CDK12: variants seen among roughly 807,000 people sequenced by gnomAD.
CDK12 encodes cyclin-dependent kinase 12.
In CDK12, 17 loss-of-function variants were observed where a neutral mutation model predicts 133.8. The ratio of observed to expected loss-of-function variants is 0.13; its 90% confidence interval spans 0.09 to 0.19. CDK12 has a LOEUF of 0.19. Among genes scored for constraint, CDK12 ranks in the 10% least tolerant of loss-of-function variants. The probability of loss-of-function intolerance (pLI) is 1.00; values close to 1 mark genes in which losing one functional copy is unlikely to be tolerated. For missense variants in CDK12, 1,508 were observed against 1,818.7 expected (o/e 0.83, Z 3.11); for synonymous variants, 694 against 683.6 (o/e 1.02, Z -0.24).
chr17:39,472,206 A>G (rs1378070309), intron 2 of CDK12, among the ~76,000 whole-genome samples: 2 of 151,258 alleles, frequency 1.3e-5, no homozygotes, highest in Non-Finnish European at 1.5e-5. Context: ...CTGGTCTGGA[A>G]CTCCTGACCT....
chr17:39,465,166 A>C (rs1215303039), intron 1 of CDK12, among the ~76,000 whole-genome samples: 1 of 149,162 alleles, frequency 6.7e-6, no homozygotes, highest in East Asian at 2.1e-4. Flanking sequence ...GAATCAGTTG[A>C]GCCCGGGAGG....
chr17:39,537,022 G>C (rs564445735), downstream of CDK12, among the ~76,000 whole-genome samples: 16 of 152,174 alleles, frequency 1.1e-4, no homozygotes, highest in Admixed American at 9.2e-4. Flanking sequence ...AGGAATGAAG[G>C]GCATTTTATC....
At chr17:39,511,450 C>T (rs763021747) in intron 7 of CDK12, 79 bp from the exon 8 acceptor site, 1 of 906,116 alleles carries the variant, frequency 1.1e-6, no homozygotes, top group Non-Finnish European at 1.8e-6. Context: ...GCACCTATTT[C>T]TATTTGCATT....
intron 6 of CDK12, among the ~76,000 whole-genome samples, chr17:39,508,483 G>T (rs1057359833): frequency 2.0e-5 from 3 of 152,002 alleles, no homozygotes; most frequent in Admixed American, 6.6e-5. Flanking sequence ...TTTTAAAATA[G>T]ATTCCCAACA....
intron 2 of CDK12, among the ~76,000 whole-genome samples, chr17:39,472,934 G>C (rs1380795170): frequency 1.3e-5 from 2 of 152,020 alleles, no homozygotes; most frequent in Admixed American, 1.3e-4. Context: ...AAATTAGCTG[G>C]GCATGGTGGC....
At chr17:39,496,860 G>A (rs2052155983) in intron 5 of CDK12, among the ~76,000 whole-genome samples, 1 of 143,842 alleles carries the variant, frequency 7.0e-6, no homozygotes, top group Non-Finnish European at 1.5e-5. Context: ...AAGAAAATTA[G>A]TATGTCCAGT....
rs751699241 is a variant in CDK12 at position 39,499,208 on chromosome 17, C to CT, written c.2420-2026dup. 1.0e-3 allele frequency among the ~76,000 whole-genome samples: 13 copies of CT among 12,446 alleles called. 5 individuals carry two copies. Among genetic ancestry groups the CT allele is most frequent in the Admixed American group, 2.8e-3 (2 of 702 alleles). 8.2% of individuals were successfully genotyped at this position (12,446 alleles called of 152,430 possible). A position where few individuals can be genotyped will look rare whatever the true frequency, so the allele number is the denominator to read the frequency against. On this transcript the variant is annotated intron_variant, in intron 5 of 13. Coordinates refer to ENST00000447079, the MANE Select transcript of CDK12 (RefSeq NM_016507.4). The stretch of plus-strand genomic sequence containing the variant: ...CTTTCTTTCTTTCTTTCTTTCTTTC[C>CT]TTTTTTTTTTTTTTTTGAGACAGAG...
intron 6 of CDK12, among the ~76,000 whole-genome samples, chr17:39,504,096 G>A (rs915494758): frequency 1.3e-5 from 2 of 152,138 alleles, no homozygotes; most frequent in African/African-American, 4.8e-5. Context: ...ATGAATTAGA[G>A]AAAGTAAGAT....
At chr17:39,537,343 G>C (rs2055178913), downstream of CDK12, among the ~76,000 whole-genome samples, 1 of 152,100 alleles carries the variant, frequency 6.6e-6, no homozygotes, top group South Asian at 2.1e-4. Flanking sequence ...CCTAAAGAAA[G>C]CTTAGTAGCC....
chr17:39,530,609 C>T lies in CDK12; in HGVS notation c.3766C>T (p.Pro1256Ser). ...TMPQEEAAAC[P>S]PHILPPEKRP... ...AAGAAGTAACCCTTCCACAGCATGT[C>T]CTCCTCACATTCTTCCACCAGAGAA... The change falls in exon 14 of 14, where the codon CCT becomes TCT. Residue 1256 changes from proline to serine, a missense_variant. Physicochemically the swap from Pro to Ser is moderately conservative, Grantham distance 74. Transcript: ENST00000447079. 6.3e-7 allele frequency: 1 copy of T among 1,588,386 alleles called. No individual in the cohort carries two copies. Among genetic ancestry groups the T allele is most frequent in the Non-Finnish European group, 8.6e-7 (1 of 1,166,242 alleles).
intron 2 of CDK12, among the ~76,000 whole-genome samples, chr17:39,485,366 C>T (rs1274178651): frequency 6.7e-6 from 1 of 148,486 alleles, no homozygotes; most frequent in Non-Finnish European, 1.5e-5. Flanking sequence ...TGGAGGATTG[C>T]TTCAGGTGGG....
chr17:39,466,020 G>C (rs999278709), intron 1 of CDK12, among the ~76,000 whole-genome samples: 2 of 151,986 alleles, frequency 1.3e-5, no homozygotes, highest in African/African-American at 4.8e-5. Flanking sequence ...TAAGAGAGTA[G>C]AGGAGGCTGG....
rs34070318 is a variant in CDK12 at position 39,530,667 on chromosome 17, C to T, written c.3824C>T (p.Pro1275Leu). 0.015 allele frequency: 24,652 copies of T among 1,612,074 alleles called. 267 individuals are homozygous for T. The highest frequency in any genetic ancestry group is 0.018 in the Non-Finnish European group (21,000 of 1,178,658). Reference protein sequence around the residue: ...RPPEPPGPPPPPPPPPLVEGD... With the variant: ...RPPEPPGPPPLPPPPPLVEGD... ...CCTGAGCCCCCCGGACCTCCACCGC[C>T]GCCACCTCCACCCCCTCTGGTTGAA... Residue 1275 changes from proline to leucine, a missense_variant, in exon 14 of 14, where the codon CCG becomes CTG. Physicochemically the swap from Pro to Leu is moderately conservative, Grantham distance 98 (BLOSUM62 -3). Transcript: ENST00000447079.
Position 39,516,148 on chromosome 17 carries a change from T to C in CDK12, c.2846+340T>C, listed in dbSNP as rs2053788931. 2.6e-5 allele frequency among the ~76,000 whole-genome samples: 4 copies of C among 152,172 alleles called. No homozygotes were observed. The South Asian group carries it at 8.3e-4, about 32-fold the overall frequency. On this transcript the variant is annotated intron_variant, in intron 9 of 13. Coordinates refer to ENST00000447079, the MANE Select transcript of CDK12 (RefSeq NM_016507.4). ...GTTATACAACAGATTACTTTTAACA[T>C]TAAACTTTAGGATTCAGAGATAAAA...
At chr17:39,534,563 A>G (rs1050995871), downstream of CDK12, 6 of 230,252 alleles carry the variant, frequency 2.6e-5, no homozygotes, top group African/African-American at 8.9e-5. Context: ...GCTCCATTGC[A>G]TTTACTTCTT....
chr17:39,469,310 G>A (rs576285867), intron 1 of CDK12, among the ~76,000 whole-genome samples: 4 of 152,238 alleles, frequency 2.6e-5, no homozygotes, highest in East Asian at 1.9e-4. Flanking sequence ...ATCTTTAGGA[G>A]TTTCTAAAAA....
intron 1 of CDK12, among the ~76,000 whole-genome samples, chr17:39,467,382 C>T (rs954599280): frequency 1.3e-5 from 2 of 152,224 alleles, no homozygotes; most frequent in East Asian, 1.9e-4. Flanking sequence ...TAACTTAATT[C>T]GGTGAGTGGG....
chr17:39,488,267 G>T (rs1460081763), intron 2 of CDK12, among the ~76,000 whole-genome samples: 3 of 151,656 alleles, frequency 2.0e-5, no homozygotes, highest in African/African-American at 4.8e-5. Flanking sequence ...TGACTTTTCT[G>T]ATCTATTCCT....
chr17:39,465,108 T>C lies in CDK12; in HGVS notation c.1046+1991T>C, dbSNP rs12948731. On this transcript the variant is annotated intron_variant, in intron 1 of 13. Coordinates refer to ENST00000447079, the MANE Select transcript of CDK12 (RefSeq NM_016507.4). ...AAAAATATAAAAAATTAGTTGGGTG[T>C]GGTGGCGTGCGCCTGTAGTCCCAGC... Among the ~76,000 whole-genome samples, 963 of 152,032 alleles carry C rather than the reference T, an allele frequency of 6.3e-3. 15 individuals carry two copies. The highest frequency in any genetic ancestry group is 0.022 in the African/African-American group (921 of 41,458).
Sources: gnomAD v4.1 joint callset for allele counts (sites outside exome capture counted in the v4.1 genomes callset) on GRCh38, gnomAD v4.1.1 for gene constraint, MANE v1.5 for transcripts, NCBI Gene and HGNC (gene_info 2026-07-23, HGNC 2026-07-21) for gene names.